The following C9orf153 variants were observed in gnomAD, a reference collection of about 807,000 sequenced individuals.
C9orf153 encodes uncharacterized protein C9orf153.
Under a neutral mutation model 9.0 loss-of-function variants are expected in C9orf153, and 10 were observed. That is an observed-to-expected ratio of 1.11 (90% confidence interval 0.69 to 1.89). The LOEUF is 1.89. Ranked by LOEUF, C9orf153 falls within the 40% of genes most tolerant of loss-of-function variation. The probability of loss-of-function intolerance (pLI) is 0.00; values close to 1 mark genes in which losing one functional copy is unlikely to be tolerated. For synonymous variants in C9orf153, 35 were observed against 37.3 expected, an observed-to-expected ratio of 0.94 and a Z score of 0.23; for missense variants, 108 against 111.0, an observed-to-expected ratio of 0.97 and a Z score of 0.12.
intron 1 of C9orf153, among the ~76,000 whole-genome samples, chr9:86,240,280 C>T (rs1041937833): frequency 2.0e-5 from 3 of 151,786 alleles, no homozygotes; most frequent in African/African-American, 7.3e-5. Flanking sequence ...AGTAGTTTGA[C>T]ATGAGAACCC....
intron 1 of C9orf153, among the ~76,000 whole-genome samples, chr9:86,237,215 T>C (rs1434700655): frequency 1.3e-5 from 2 of 151,936 alleles, no homozygotes; most frequent in African/African-American, 4.8e-5. Context: ...AAAAATTGAA[T>C]CATATAAAAT....
chr9:86,241,852 C>T (rs557682260), intron 1 of C9orf153, among the ~76,000 whole-genome samples: 81 of 152,238 alleles, frequency 5.3e-4, no homozygotes, highest in African/African-American at 1.9e-3. Context: ...TCTTGAACTC[C>T]TGGCCTCAAG....
intron 1 of C9orf153, among the ~76,000 whole-genome samples, chr9:86,255,168 C>A (rs1026564553): frequency 7.0e-6 from 1 of 141,944 alleles, no homozygotes; most frequent in African/African-American, 2.7e-5. Flanking sequence ...TTTCCCACTC[C>A]TTTGCCTATC....
At chr9:86,234,589 G>C (rs1824539319) in intron 1 of C9orf153, among the ~76,000 whole-genome samples, 1 of 152,156 alleles carries the variant, frequency 6.6e-6, no homozygotes, top group African/African-American at 2.4e-5. Flanking sequence ...CTAAGTATGA[G>C]AGCTGAAACT....
chr9:86,242,206 G>C (rs911429831), intron 1 of C9orf153, among the ~76,000 whole-genome samples: 1 of 152,156 alleles, frequency 6.6e-6, no homozygotes, highest in Non-Finnish European at 1.5e-5. Context: ...CCGGGGCAAA[G>C]GCCATGTGCT....
At chr9:86,245,976 C>T (rs898239716) in intron 1 of C9orf153, among the ~76,000 whole-genome samples, 7 of 152,206 alleles carry the variant, frequency 4.6e-5, no homozygotes, top group African/African-American at 1.7e-4. Flanking sequence ...CCACAGCTTT[C>T]TTTCCACCTT....
chr9:86,255,168 C>T (rs1026564553), intron 1 of C9orf153, among the ~76,000 whole-genome samples: 2 of 141,944 alleles, frequency 1.4e-5, no homozygotes, highest in Non-Finnish European at 3.1e-5. Flanking sequence ...TTTCCCACTC[C>T]TTTGCCTATC....
intron 1 of C9orf153, chr9:86,258,648 GA>G (rs943719638): frequency 5.9e-5 from 9 of 152,294 alleles, no homozygotes; most frequent in African/African-American, 1.9e-4. Flanking sequence ...CTCACATCCG[GA>G]AATAATTGCT....
At chr9:86,227,278 C>T (rs1824358066) in intron 3 of C9orf153, 2 of 1,398,340 alleles carry the variant, frequency 1.4e-6, no homozygotes, top group Non-Finnish European at 1.8e-6. Context: ...TCTCGGGTAG[C>T]CGAGATTACA....
chr9:86,244,034 T>C (rs1824809058), intron 1 of C9orf153, among the ~76,000 whole-genome samples: 1 of 152,238 alleles, frequency 6.6e-6, no homozygotes, highest in Non-Finnish European at 1.5e-5. Flanking sequence ...CCATCCAATA[T>C]GGTAGCCACT....
At chr9:86,228,516 G>A (rs567732561) in intron 2 of C9orf153, among the ~76,000 whole-genome samples, 1 of 152,308 alleles carries the variant, frequency 6.6e-6, no homozygotes, top group Admixed American at 6.5e-5. Flanking sequence ...CTGAGGAGGC[G>A]ACAATAGTCA....
At chr9:86,225,353 T>G (rs939336521) in intron 3 of C9orf153, among the ~76,000 whole-genome samples, 2 of 151,460 alleles carry the variant, frequency 1.3e-5, no homozygotes, top group Non-Finnish European at 2.9e-5. Flanking sequence ...TTTCCTTCCT[T>G]CCTTCCTTCC....
chr9:86,227,669 A>G (rs1824366641), intron 3 of C9orf153, 186 bp downstream of exon 3: 1 of 985,246 alleles, frequency 1.0e-6, no homozygotes, highest in African/African-American at 1.7e-5. Flanking sequence ...AACTTGGGCC[A>G]AGGCATTCGA....
intron 1 of C9orf153, among the ~76,000 whole-genome samples, chr9:86,259,031 G>GTT (rs11440861): frequency 7.9e-4 from 116 of 147,370 alleles, no homozygotes; most frequent in East Asian, 1.4e-3. Context: ...ACAGAGCAGT[G>GTT]TTTTTTTTTT....
At chr9:86,238,649 T>G (rs1824658453) in intron 1 of C9orf153, among the ~76,000 whole-genome samples, 1 of 152,188 alleles carries the variant, frequency 6.6e-6, no homozygotes, top group South Asian at 2.1e-4. Flanking sequence ...TTACTTTCCT[T>G]GTATGTTTAA....
At chr9:86,238,335 C>G (rs1211266211) in intron 1 of C9orf153, among the ~76,000 whole-genome samples, 2 of 152,158 alleles carry the variant, frequency 1.3e-5, no homozygotes, top group South Asian at 4.1e-4. Flanking sequence ...GCAGATTACA[C>G]ATTCTTCTCA....
chr9:86,239,554 C>T (rs1174863806), intron 1 of C9orf153, among the ~76,000 whole-genome samples: 2 of 152,176 alleles, frequency 1.3e-5, no homozygotes, highest in African/African-American at 4.8e-5. Flanking sequence ...GCTTATTGCA[C>T]TCCCTGAAGG....
At chr9:86,221,872 TATTTTTA>T in intron 3 of C9orf153, 139 bp from the exon 4 acceptor site, 1 of 520,464 alleles carries the variant, frequency 1.9e-6, no homozygotes, top group Non-Finnish European at 3.3e-6. Flanking sequence ...TCTAAAGCTT[TATTTTTA>T]ATTTTTATTT....
At chr9:86,241,036 C>T (rs551911973) in intron 1 of C9orf153, among the ~76,000 whole-genome samples, 2 of 152,020 alleles carry the variant, frequency 1.3e-5, no homozygotes, top group South Asian at 2.1e-4. Context: ...GCCCCTACCC[C>T]CTCTCCCCTG....
Sources: allele counts gnomAD v4.1 joint callset (sites outside exome capture counted in the v4.1 genomes callset), GRCh38; gene constraint gnomAD v4.1.1; transcripts MANE v1.5; gene names NCBI Gene and HGNC (gene_info 2026-07-23, HGNC 2026-07-21).